The following ZNF562 variants were observed in gnomAD, a reference collection of about 807,000 sequenced individuals.
ZNF562 encodes zinc finger protein 562.
A neutral mutation model predicts 17.5 loss-of-function variants in ZNF562; 13 were observed. That is an observed-to-expected ratio of 0.74 (90% CI 0.48 to 1.18). The LOEUF (loss-of-function observed/expected upper bound fraction) is 1.18. Ranked by LOEUF, ZNF562 falls within the 50% of genes most tolerant of loss-of-function variation. The pLI, the probability that ZNF562 is intolerant of heterozygous loss-of-function variation, is 0.00. For missense variants in ZNF562, 481 were observed against 498.5 expected (o/e 0.96, Z 0.33); for synonymous variants, 163 against 165.4 (o/e 0.99, Z 0.11).
chr19:9,671,760 G>C (rs1031253787), intron 1 of ZNF562, among the ~76,000 whole-genome samples: 1 of 152,242 alleles, frequency 6.6e-6, no homozygotes, highest in Non-Finnish European at 1.5e-5. Flanking sequence ...AGAAGATGTA[G>C]AGTACAGCCC....
In ZNF562 at chr19:9,653,463, C is replaced by G. The variant is rs771253388; in HGVS notation, c.767G>C (p.Gly256Ala). The change falls in exon 6 of 6, where the codon GGA becomes GCA. Residue 256 changes from glycine (G) to alanine (A), a missense_variant. Gly to Ala is a moderately conservative substitution (Grantham distance 60). Coordinates refer to ENST00000453372, the MANE Select transcript of ZNF562 (RefSeq NM_001130031.2). The stretch of plus-strand genomic sequence containing the variant: ...GTTCTTAGTCTTTTCGGATTTCTTT[C>G]CAGTATGAACTGCTACACACTGCTT... ...HLKQCVAVHT[G>A]KKSEKTKNCG... is the part of the protein sequence containing the mutation. 6.2e-7 allele frequency: 1 copy of G among 1,614,072 alleles called. No homozygotes were observed. The highest frequency in any genetic ancestry group is 8.5e-7 in the Non-Finnish European group (1 of 1,180,046).
chr19:9,656,833 A>T (rs1024447331), intron 4 of ZNF562, among the ~76,000 whole-genome samples, 180 bp from the exon 5 acceptor site: 1 of 150,486 alleles, frequency 6.6e-6, no homozygotes, highest in Non-Finnish European at 1.5e-5. Context: ...GACCATCCTG[A>T]CCAAAATGGT....
At chr19:9,673,192 T>G (rs1028354567) in intron 1 of ZNF562, among the ~76,000 whole-genome samples, 4 of 152,102 alleles carry the variant, frequency 2.6e-5, no homozygotes, top group African/African-American at 9.7e-5. Context: ...AGATAGCCAA[T>G]AGGGTCAGTT....
At chr19:9,662,224 G>A (rs527926078) in intron 1 of ZNF562, among the ~76,000 whole-genome samples, 15 of 152,236 alleles carry the variant, frequency 9.9e-5, no homozygotes, top group East Asian at 9.6e-4. Context: ...CACTAGCCAC[G>A]TGTGTTATTG....
chr19:9,665,406 C>T (rs374248289), intron 1 of ZNF562, among the ~76,000 whole-genome samples: 2 of 152,200 alleles, frequency 1.3e-5, no homozygotes, highest in East Asian at 3.9e-4. Context: ...GGACAACCAC[C>T]TTCTCCACCA....
intron 1 of ZNF562, among the ~76,000 whole-genome samples, chr19:9,665,378 A>G (rs2043917433): frequency 6.6e-6 from 1 of 152,212 alleles, no homozygotes; most frequent in African/African-American, 2.4e-5. Context: ...CTACACTGGA[A>G]AAAACTGAGC....
At chr19:9,669,766 AC>A (rs2044109166) in intron 1 of ZNF562, among the ~76,000 whole-genome samples, 1 of 151,104 alleles carries the variant, frequency 6.6e-6, no homozygotes, top group Non-Finnish European at 1.5e-5. Context: ...ACACACACAC[AC>A]ACACACACAA....
intron 4 of ZNF562, 67 bp from the exon 5 acceptor site, chr19:9,656,720 A>G: frequency 4.6e-6 from 7 of 1,527,114 alleles, no homozygotes; most frequent in Non-Finnish European, 6.3e-6. Context: ...CAAATTAAAC[A>G]CAGTATGAAA....
chr19:9,653,227 C>T lies in ZNF562; in HGVS notation c.1003G>A (p.Val335Ile), dbSNP rs1366718014. 6.2e-7 allele frequency: 1 copy of T among 1,614,080 alleles called. No homozygotes were observed. ...GGTTTTATTCCAGTGTGAGTTCTTA[C>T]ATGTTGAGTAAGGTGAGTTGATCTA... ...FTRSTHLTQHVRTHTGIKPYE... is the reference protein window; with the variant it reads ...FTRSTHLTQHIRTHTGIKPYE... The change falls in exon 6 of 6, where the codon GTA becomes ATA. Residue 335 changes from valine (V) to isoleucine (I), a missense_variant. Physicochemically the swap from Val to Ile is conservative, Grantham distance 29. Coordinates refer to ENST00000453372, the MANE Select transcript of ZNF562 (RefSeq NM_001130031.2).
chr19:9,670,243 A>C (rs993624007), intron 1 of ZNF562, among the ~76,000 whole-genome samples: 7 of 152,268 alleles, frequency 4.6e-5, no homozygotes, highest in Non-Finnish European at 1.0e-4. Context: ...TCTCAAAAAA[A>C]ACAAAACAAA....
chr19:9,653,071 G>C lies in ZNF562; in HGVS notation c.1159C>G (p.Leu387Val). 6.2e-7 allele frequency: 1 copy of C among 1,607,902 alleles called. No homozygotes were observed. Among genetic ancestry groups the C allele is most frequent in the Non-Finnish European group, 8.5e-7 (1 of 1,176,988 alleles). The change falls in exon 6 of 6, where the codon CTT (leucine) becomes GTT (valine). Residue 387 changes from leucine to valine, a missense_variant. By Grantham distance (32) the Leu-to-Val change is conservative. Coordinates refer to ENST00000453372, the MANE Select transcript of ZNF562 (RefSeq NM_001130031.2). ...GTGTGAATTCTTCTATGTTGAGTAA[G>C]CGTTGAAGATCTATTGAAGGCTTTC... Reference protein sequence around the residue: ...CGKAFNRSSTLTQHRRIHTGE... With the variant: ...CGKAFNRSSTVTQHRRIHTGE...
chr19:9,656,742 A>G, intron 4 of ZNF562, 89 bp from the exon 5 acceptor site: 1 of 1,364,160 alleles, frequency 7.3e-7, no homozygotes, highest in Non-Finnish European at 1.0e-6. Flanking sequence ...TAAAAGCCAC[A>G]GGCCAGGCAC....
intron 1 of ZNF562, among the ~76,000 whole-genome samples, chr19:9,669,734 G>GCGCGCGCGCGCGCA (rs1221319747): frequency 9.1e-6 from 1 of 109,302 alleles, no homozygotes; most frequent in African/African-American, 3.6e-5. Context: ...GCGCGCGCGC[G>GCGCGCGCGCGCGCA]CACACACACA....
At position 9,643,600 on chromosome 19, in the gene ZNF562, T is replaced by TA. The variant is rs1277841716; in HGVS notation, c.*9348dup. ...TTTTTCCTTCTTTTTTTTTTTTTTT[T>TA]AAATGGAGTCTTGCTCTGTTGCCCA... On this transcript the variant is annotated 3_prime_UTR_variant, in exon 6 of 6. Coordinates refer to ENST00000453372, the MANE Select transcript of ZNF562 (RefSeq NM_001130031.2). The TA allele has an allele frequency of 2.5e-4, 37 of 150,990 alleles. No homozygotes were observed. The highest frequency in any genetic ancestry group is 7.5e-4 in the African/African-American group (31 of 41,282). The allele number at this position is 150,990 out of a possible 1,614,324, so 9.4% of individuals were successfully genotyped here. A position where few individuals can be genotyped will look rare whatever the true frequency, so the allele number is the denominator to read the frequency against.
rs2043709764 is a variant in ZNF562 at position 9,660,886 on chromosome 19, A to C, written c.-130-12T>G. On this transcript the variant is annotated splice_polypyrimidine_tract_variant and intron_variant, in intron 1 of 5. Coordinates refer to ENST00000453372, the MANE Select transcript of ZNF562 (RefSeq NM_001130031.2). ...GGTTATCTGAGGCCCTGTTCATACC[A>C]ATCACCAAACAACAAGCATCAAACA... The C allele has an allele frequency of 6.0e-6, 4 of 664,734 alleles. No individual in the cohort carries two copies. The Admixed American group carries it at 1.1e-4, about 18-fold the overall frequency. The allele number at this position is 664,734 out of a possible 1,614,324, so 41.2% of individuals were successfully genotyped here. A position where few individuals can be genotyped will look rare whatever the true frequency, so the allele number is the denominator to read the frequency against.
At chr19:9,659,973 A>C (rs979127891) in intron 2 of ZNF562, among the ~76,000 whole-genome samples, 4 of 122,968 alleles carry the variant, frequency 3.3e-5, no homozygotes, top group East Asian at 2.2e-4. Flanking sequence ...AAAAAAAAAA[A>C]AAAAACTACA....
At chr19:9,665,082 C>T (rs983380702) in intron 1 of ZNF562, among the ~76,000 whole-genome samples, 6 of 151,956 alleles carry the variant, frequency 3.9e-5, no homozygotes, top group Non-Finnish European at 8.8e-5. Context: ...ATTAGCTGGG[C>T]ATGGTGGCAC....
Position 9,653,826 on chromosome 19 carries a change from C to T in ZNF562, c.404G>A (p.Ser135Asn). The change falls in exon 6 of 6, where the codon AGT (serine) becomes AAT (asparagine). Residue 135 changes from serine to asparagine, a missense_variant. By Grantham distance (46) the Ser-to-Asn change is conservative. Coordinates refer to ENST00000453372, the MANE Select transcript of ZNF562 (RefSeq NM_001130031.2). ...GTGTGTCTTAAGGCAAAACTGTTCA[C>T]TGAAGACCTCTCCACAATTCTCACA... ...KLCENCGEVF[S>N]EQFCLKTHMR... The T allele has an allele frequency of 6.2e-7, 1 of 1,610,266 alleles. No homozygotes were observed. Among genetic ancestry groups the T allele is most frequent in the East Asian group, 2.2e-5 (1 of 44,850 alleles).
intron 3 of ZNF562, chr19:9,658,341 T>TTTTC (rs766864613): frequency 1.5e-5 from 15 of 984,584 alleles, no homozygotes; most frequent in Admixed American, 1.2e-4. Context: ...ACAGCACTTT[T>TTTTC]TTTCTTTCTT....
Sources: allele counts gnomAD v4.1 joint callset (sites outside exome capture counted in the v4.1 genomes callset), GRCh38; gene constraint gnomAD v4.1.1; transcripts MANE v1.5; gene names NCBI Gene and HGNC (gene_info 2026-07-23, HGNC 2026-07-21).